The following PARD6G variants were observed in gnomAD, a reference collection of about 807,000 sequenced individuals.
The protein encoded by PARD6G is partitioning defective 6 homolog gamma.
A neutral mutation model predicts 10.7 loss-of-function variants in PARD6G; 7 were observed. That is an observed-to-expected ratio of 0.66 (90% CI 0.37 to 1.23). The LOEUF (loss-of-function observed/expected upper bound fraction) is 1.23, where lower values mean the gene tolerates loss of function less well. PARD6G is among the 50% of genes most tolerant of loss of function. PARD6G has a pLI of 0.02. For missense variants in PARD6G, 548 were observed against 571.8 expected, an observed-to-expected ratio of 0.96 and a Z score of 0.42; for synonymous variants, 287 against 269.4, an observed-to-expected ratio of 1.07 and a Z score of -0.64.
Position 80,200,009 on chromosome 18 carries a change from T to C in PARD6G, c.295+2701A>G, listed in dbSNP as rs1309055229. The stretch of plus-strand genomic sequence containing the variant: ...ATTCCAACATGTATTAGGAGAATGC[T>C]GACTTTTCCTCTGTGATAGTAAATT... On this transcript the variant is annotated intron_variant, in intron 2 of 2. Transcript: ENST00000353265. This position sits in a 1 kb window ranked among gnomAD's most constrained non-coding sequence, Gnocchi z 4.4. Among the ~76,000 whole-genome samples, 1 of 152,214 alleles carries C rather than the reference T, an allele frequency of 6.6e-6. No homozygotes were observed. The highest frequency in any genetic ancestry group is 2.4e-5 in the African/African-American group (1 of 41,432).
intron 2 of PARD6G, among the ~76,000 whole-genome samples, chr18:80,173,632 A>G (rs2145254522): frequency 6.6e-6 from 1 of 152,238 alleles, no homozygotes; most frequent in East Asian, 1.9e-4. Context: ...CTAAAAAAAA[A>G]AGGGGGCAAA....
At chr18:80,209,657 C>T (rs777098938) in intron 1 of PARD6G, among the ~76,000 whole-genome samples, 38 of 151,936 alleles carry the variant, frequency 2.5e-4, no homozygotes, top group African/African-American at 8.0e-4. Flanking sequence ...CAGAAAAGTA[C>T]AAAAATTAGC....
chr18:80,193,390 A>C (rs1966917482), intron 2 of PARD6G, among the ~76,000 whole-genome samples: 1 of 152,238 alleles, frequency 6.6e-6, no homozygotes, highest in Admixed American at 6.5e-5. Flanking sequence ...ATTTCTAGCA[A>C]GACCATAGAT....
At chr18:80,245,919 C>T (rs1166921640) in intron 1 of PARD6G, among the ~76,000 whole-genome samples, 1 of 152,046 alleles carries the variant, frequency 6.6e-6, no homozygotes, top group African/African-American at 2.4e-5. Flanking sequence ...ATTAAAAGAC[C>T]GTGTACCCCT....
At chr18:80,160,939 G>A (rs1174334211) in intron 2 of PARD6G, among the ~76,000 whole-genome samples, 3 of 152,238 alleles carry the variant, frequency 2.0e-5, no homozygotes, top group Non-Finnish European at 4.4e-5. Context: ...CCTTCTGGGA[G>A]GCAGCAGGCT....
At chr18:80,179,256 G>A (rs1013461728) in intron 2 of PARD6G, among the ~76,000 whole-genome samples, 16 of 149,418 alleles carry the variant, frequency 1.1e-4, no homozygotes, top group Non-Finnish European at 1.8e-4. Context: ...GGAGGGGAAC[G>A]TTTTTCCTTG....
chr18:80,176,197 A>G (rs752036736), intron 2 of PARD6G, among the ~76,000 whole-genome samples: 28 of 152,216 alleles, frequency 1.8e-4, no homozygotes, highest in Admixed American at 6.5e-4. Context: ...CACATTAAAG[A>G]GGAGGGAACA....
At chr18:80,179,294 G>A (rs2052835217) in intron 2 of PARD6G, among the ~76,000 whole-genome samples, 2 of 151,602 alleles carry the variant, frequency 1.3e-5, no homozygotes, top group African/African-American at 4.8e-5. Flanking sequence ...AAGTCACTCA[G>A]GTGAGCCTCG....
chr18:80,229,723 T>C (rs1332733056), intron 1 of PARD6G, among the ~76,000 whole-genome samples: 3 of 152,166 alleles, frequency 2.0e-5, no homozygotes, highest in Non-Finnish European at 4.4e-5. Flanking sequence ...CTCTGAGAGA[T>C]GCAAATGAAG....
chr18:80,172,379 CTT>C (rs796958659), intron 2 of PARD6G, among the ~76,000 whole-genome samples: 26 of 134,848 alleles, frequency 1.9e-4, no homozygotes, highest in Admixed American at 2.2e-4. Flanking sequence ...GGTTGTATGT[CTT>C]TTTTTTTTTT....
At position 80,246,153 on chromosome 18, in the gene PARD6G, C is replaced by A. The variant is rs1477852312; in HGVS notation, c.72+1124G>T. Among the ~76,000 whole-genome samples, 1 of 152,040 alleles carries A rather than the reference C, an allele frequency of 6.6e-6. No individual in the cohort carries two copies. Among genetic ancestry groups the A allele is most frequent in the Non-Finnish European group, 1.5e-5 (1 of 67,980 alleles). On this transcript the variant is annotated intron_variant, in intron 1 of 2. Transcript: ENST00000353265. The surrounding 1 kb of genome is among the most constrained non-coding windows in gnomAD (Gnocchi z 6.7). ...GGCACACAGTTAGGGGTGCGGGCTC[C>A]CACTCCGCCGTTAGGAGCCTTTCCC...
intron 1 of PARD6G, among the ~76,000 whole-genome samples, chr18:80,232,182 C>T (rs1029037896): frequency 3.3e-5 from 5 of 151,414 alleles, no homozygotes; most frequent in Admixed American, 6.6e-5. Context: ...CCCCGCCCCC[C>T]AAGCCACACA....
intron 2 of PARD6G, chr18:80,162,087 A>C (rs1303548062): frequency 6.6e-6 from 1 of 152,240 alleles, no homozygotes; most frequent in African/African-American, 2.4e-5. Context: ...TCCAGGCAGC[A>C]GGGTTAATGC....
rs377645276 is a variant in PARD6G at position 80,174,700 on chromosome 18, A to G, written c.296-14094T>C. ...CTGGGTGCGGTGGCTCACGCCTGTA[A>G]TCCCAGCACTTTGGGAGGCCGAGGC... On this transcript the variant is annotated intron_variant, in intron 2 of 2. Transcript: ENST00000353265. Among the ~76,000 whole-genome samples, 927 of 151,650 alleles carry G rather than the reference A, an allele frequency of 6.1e-3. 9 individuals carry two copies. The highest frequency in any genetic ancestry group is 0.022 in the African/African-American group (892 of 41,368).
rs753540318 is a variant in PARD6G, at chr18:80,183,166, TGAA to T, written c.295+19541_295+19543del. 100 of 702,586 alleles carry T rather than the reference TGAA, an allele frequency of 1.4e-4. 1 individual carries two copies. The highest frequency in any genetic ancestry group is 2.4e-4 in the Non-Finnish European group (93 of 384,952). The allele number at this position is 702,586 out of a possible 1,614,324, so 43.5% of individuals were successfully genotyped here. ...GCTCCGTCATCTGCAGGAAAATTAG[TGAA>T]GAAGTGGAGGGCCTTGCAATGTGAA... On this transcript the variant is annotated intron_variant, in intron 2 of 2. Transcript: ENST00000353265. This position sits in a 1 kb window ranked among gnomAD's most constrained non-coding sequence, Gnocchi z 4.5.
chr18:80,243,411 C>T (rs955691640), intron 1 of PARD6G, among the ~76,000 whole-genome samples: 3 of 152,134 alleles, frequency 2.0e-5, no homozygotes, highest in African/African-American at 7.2e-5. Context: ...CACAAAAGAC[C>T]GGAAGGCCAG....
chr18:80,193,685 A>C (rs1966923544), intron 2 of PARD6G, among the ~76,000 whole-genome samples: 1 of 152,228 alleles, frequency 6.6e-6, no homozygotes, highest in South Asian at 2.1e-4. Context: ...AGTCATTAAT[A>C]TTTGATACTG....
At chr18:80,220,610 T>C (rs866842769) in intron 1 of PARD6G, among the ~76,000 whole-genome samples, 34 of 152,228 alleles carry the variant, frequency 2.2e-4, no homozygotes, top group Middle Eastern at 6.8e-3. Flanking sequence ...TCTTTGTTTT[T>C]TTTTTATTTT....
At chr18:80,179,115 G>A (rs528172061) in intron 2 of PARD6G, among the ~76,000 whole-genome samples, 1 of 152,200 alleles carries the variant, frequency 6.6e-6, no homozygotes, top group East Asian at 1.9e-4. Flanking sequence ...GACACCTCCC[G>A]ACGCATCAGC....
Sources: gnomAD v4.1 joint callset for allele counts (sites outside exome capture counted in the v4.1 genomes callset) on GRCh38, gnomAD v4.1.1 for gene constraint, Gnocchi (gnomAD v3.1) non-coding constraint, MANE v1.5 for transcripts, NCBI Gene and HGNC (gene_info 2026-07-23, HGNC 2026-07-21) for gene names.